The following DCLK1 variants were observed in gnomAD, a reference collection of about 807,000 sequenced individuals.
DCLK1 encodes doublecortin like kinase 1, also known as serine/threonine-protein kinase DCLK1.
A neutral mutation model predicts 86.2 loss-of-function variants in DCLK1; 16 were observed. The observed-to-expected ratio is 0.19, with a 90% CI of 0.13 to 0.28. The LOEUF (loss-of-function observed/expected upper bound fraction) is 0.28. Among genes scored for constraint, DCLK1 ranks in the 10% least tolerant of loss-of-function variants. The pLI is 1.00. For missense variants in DCLK1, 590 were observed against 940.2 expected, an observed-to-expected ratio of 0.63 and a Z score of 4.87; for synonymous variants, 369 against 370.5, an observed-to-expected ratio of 1.00 and a Z score of 0.05.
intron 3 of DCLK1, among the ~76,000 whole-genome samples, chr13:35,966,264 A>G (rs1878727786): frequency 6.6e-6 from 1 of 152,212 alleles, no homozygotes; most frequent in Admixed American, 6.5e-5. Flanking sequence ...ATTCCCATAC[A>G]ATCCAGCAAT....
chr13:35,872,021 A>T (rs1872304490), intron 4 of DCLK1, among the ~76,000 whole-genome samples: 1 of 152,224 alleles, frequency 6.6e-6, no homozygotes, highest in African/African-American at 2.4e-5. Flanking sequence ...TTAAATTCTC[A>T]GTGTTCATGT....
At chr13:35,839,917 A>G (rs1869671976) in intron 6 of DCLK1, among the ~76,000 whole-genome samples, 1 of 152,366 alleles carries the variant, frequency 6.6e-6, no homozygotes, top group Non-Finnish European at 1.5e-5. Flanking sequence ...GTACTTTAAC[A>G]ATGAATGTTT....
chr13:35,884,292 A>T (rs1351958380), intron 4 of DCLK1, among the ~76,000 whole-genome samples: 1 of 152,218 alleles, frequency 6.6e-6, no homozygotes, highest in Non-Finnish European at 1.5e-5. Flanking sequence ...GTCCTCCTTC[A>T]GTTTTTATCC....
chr13:35,848,238 A>G (rs1253651762), intron 6 of DCLK1: 3 of 984,972 alleles, frequency 3.0e-6, no homozygotes, highest in Non-Finnish European at 2.4e-6. Flanking sequence ...AGAATTCTAT[A>G]AGTAACTCAA....
intron 3 of DCLK1, among the ~76,000 whole-genome samples, chr13:36,094,703 C>A (rs1884944182): frequency 6.6e-6 from 1 of 152,216 alleles, no homozygotes; most frequent in Non-Finnish European, 1.5e-5. Context: ...CCGGGAAGCA[C>A]TTTACATTTT....
At chr13:35,943,485 C>T (rs1403619814) in intron 4 of DCLK1, among the ~76,000 whole-genome samples, 1 of 152,138 alleles carries the variant, frequency 6.6e-6, no homozygotes, top group Admixed American at 6.5e-5. Context: ...CGCCTATTAA[C>T]ATCAGAATCA....
intron 3 of DCLK1, among the ~76,000 whole-genome samples, chr13:35,992,429 T>G (rs1333087255): frequency 6.8e-6 from 1 of 148,102 alleles, no homozygotes; most frequent in Non-Finnish European, 1.5e-5. Flanking sequence ...GTTTGCTTCC[T>G]TCAAAAGAAA....
chr13:36,013,701 C>G (rs1377906039), intron 3 of DCLK1, among the ~76,000 whole-genome samples: 1 of 152,030 alleles, frequency 6.6e-6, no homozygotes. Flanking sequence ...GCCCTGCCCC[C>G]AGAGGTGGAG....
chr13:35,811,508 G>A (rs1033408052), intron 11 of DCLK1, among the ~76,000 whole-genome samples: 4 of 152,050 alleles, frequency 2.6e-5, no homozygotes, highest in Non-Finnish European at 4.4e-5. Context: ...CAGTGTCTCC[G>A]ATTTATGAAA....
At chr13:35,974,151 A>G (rs570666555) in intron 3 of DCLK1, among the ~76,000 whole-genome samples, 1 of 152,358 alleles carries the variant, frequency 6.6e-6, no homozygotes, top group East Asian at 1.9e-4. Flanking sequence ...ACATTCGTTG[A>G]GCATTTGTTA....
At chr13:35,847,207 T>C (rs1870246732) in intron 6 of DCLK1, 2 of 983,896 alleles carry the variant, frequency 2.0e-6, no homozygotes, top group Non-Finnish European at 2.4e-6. Context: ...ATTTCAATTT[T>C]TTTATAAATC....
At chr13:35,822,021 AT>A (rs144151981) in intron 11 of DCLK1, among the ~76,000 whole-genome samples, 4 of 151,652 alleles carry the variant, frequency 2.6e-5, no homozygotes, top group Admixed American at 6.6e-5. Flanking sequence ...ACCAATTATA[AT>A]TTTTTTTTCT....
At chr13:35,862,549 G>A (rs1340477964) in intron 5 of DCLK1, among the ~76,000 whole-genome samples, 3 of 152,022 alleles carry the variant, frequency 2.0e-5, no homozygotes, top group Non-Finnish European at 2.9e-5. Flanking sequence ...ATCTTTCATG[G>A]CACTGTGAAA....
intron 12 of DCLK1, among the ~76,000 whole-genome samples, chr13:35,810,338 G>A (rs537488824): frequency 3.9e-5 from 6 of 152,292 alleles, no homozygotes; most frequent in Non-Finnish European, 7.4e-5. Flanking sequence ...TCTGCACACA[G>A]AAACCAGGAA....
At chr13:35,815,180 A>G (rs9565575) in intron 11 of DCLK1, among the ~76,000 whole-genome samples, 41,939 of 152,128 alleles carry the variant, frequency 0.28, 6,532 homozygotes, top group African/African-American at 0.42. Context: ...TGCATTAGCT[A>G]CAACTTACTG....
In DCLK1 at chr13:35,827,766, A is replaced by T. The variant is rs767207679; in HGVS notation, c.1288-12T>A. On this transcript the variant is annotated splice_polypyrimidine_tract_variant and intron_variant, in intron 9 of 16. Transcript: ENST00000360631. ...TGGATCATGTGCTCCTGTCCAAAGG[A>T]AAAGTTATCTTCATCAGCTTCCATA... The T allele has an allele frequency of 6.2e-7, 1 of 1,613,156 alleles. No homozygotes were observed. The highest frequency in any genetic ancestry group is 8.5e-7 in the Non-Finnish European group (1 of 1,179,884).
intron 16 of DCLK1, chr13:35,788,216 T>A: frequency 1.2e-6 from 2 of 1,613,900 alleles, no homozygotes; most frequent in Non-Finnish European, 1.7e-6. Flanking sequence ...TCATACCTTA[T>A]CCAATACATT....
At chr13:35,820,531 G>T (rs6563174) in intron 11 of DCLK1, among the ~76,000 whole-genome samples, 84,580 of 152,080 alleles carry the variant, frequency 0.56, 26,928 homozygotes, top group African/African-American at 0.86. Flanking sequence ...TTTACAGAAA[G>T]AGATAACACT....
intron 3 of DCLK1, among the ~76,000 whole-genome samples, chr13:36,015,083 G>C (rs946828546): frequency 2.0e-5 from 3 of 151,686 alleles, no homozygotes; most frequent in African/African-American, 7.3e-5. Context: ...CTCCGTGGGA[G>C]CAGTGATTAT....
Sources: gnomAD v4.1 joint callset for allele counts (sites outside exome capture counted in the v4.1 genomes callset) on GRCh38, gnomAD v4.1.1 for gene constraint, MANE v1.5 for transcripts, NCBI Gene and HGNC (gene_info 2026-07-23, HGNC 2026-07-21) for gene names.